The following ZRSR2 variants were observed in gnomAD, a reference collection of about 807,000 sequenced individuals.
ZRSR2 encodes the protein zinc finger CCCH-type, RNA binding motif and serine/arginine rich 2.
In ZRSR2, 3 loss-of-function variants were observed where a neutral mutation model predicts 39.4. The ratio of observed to expected loss-of-function variants is 0.08; its 90% CI spans 0.03 to 0.20. The LOEUF is 0.20. Among genes scored for constraint, ZRSR2 ranks in the 10% least tolerant of loss-of-function variants. The pLI is 1.00. For synonymous variants in ZRSR2, 137 were observed against 136.0 expected, an observed-to-expected ratio of 1.01 and a Z score of -0.05; for missense variants, 256 against 391.5, an observed-to-expected ratio of 0.65 and a Z score of 2.92.
In ZRSR2 at chrX:15,817,232, G is replaced by A. The variant is rs766134017; in HGVS notation, c.771+1342G>A. Among the ~76,000 whole-genome samples the A allele has an allele frequency of 2.9e-4, 32 of 111,792 alleles. 1 individual carries two copies. The highest frequency in any genetic ancestry group is 9.4e-4 in the African/African-American group (29 of 30,798). ...ACCCACAAACCACAACCACCACAAC[G>A]TATTTTTTCTTTTGTTTAGAGTTCT... On this transcript the variant is annotated intron_variant, in intron 8 of 10. Transcript: ENST00000307771.
intron 8 of ZRSR2, 32 bp downstream of exon 8, chrX:15,815,922 T>G: frequency 8.8e-7 from 1 of 1,132,799 alleles, no homozygotes; most frequent in Non-Finnish European, 1.2e-6. Context: ...GGGACTGGTT[T>G]GCTTCACCCT....
chrX:15,818,540 T>C (rs756250848), intron 8 of ZRSR2, 47 bp from the exon 9 acceptor site: 2 of 1,112,593 alleles, frequency 1.8e-6, no homozygotes, highest in Non-Finnish European at 2.5e-6. Flanking sequence ...GAATGGCTGG[T>C]TTCTTTTCCT....
At position 15,818,594 on chromosome X, in the gene ZRSR2, G is replaced by A; in HGVS notation, c.779G>A (p.Cys260Tyr). 2 of 1,207,463 alleles carry A rather than the reference G, an allele frequency of 1.7e-6. No homozygotes were observed. The highest frequency in any genetic ancestry group is 2.2e-6 in the Non-Finnish European group (2 of 892,843). Reference sequence around the variant, plus strand: ...TTCTTCATTGCTCCCTAGGTCAGCTGCAATTTGGAACCTCACCTGAGGGGC... The same window carrying A: ...TTCTTCATTGCTCCCTAGGTCAGCTACAATTTGGAACCTCACCTGAGGGGC... ...VGKVIQFKVSCNLEPHLRGNV... is the reference protein window; with the variant it reads ...VGKVIQFKVSYNLEPHLRGNV... The change falls in exon 9 of 11, where the codon TGC becomes TAC. Residue 260 changes from cysteine (C) to tyrosine (Y), a missense_variant. Transcript: ENST00000307771.
chrX:15,806,679 G>A (rs1342099075), intron 5 of ZRSR2, among the ~76,000 whole-genome samples: 1 of 106,988 alleles, frequency 9.3e-6, no homozygotes, highest in Non-Finnish European at 1.9e-5. Context: ...CACCCGCCTC[G>A]GCCTCCCAAA....
intron 1 of ZRSR2, 38 bp from the exon 2 acceptor site, chrX:15,790,896 T>C: frequency 8.6e-7 from 1 of 1,161,267 alleles, no homozygotes; most frequent in Non-Finnish European, 1.2e-6. Context: ...CGCTGCATTG[T>C]AGCCGCTGAT....
intron 8 of ZRSR2, among the ~76,000 whole-genome samples, chrX:15,817,527 C>T (rs1303896696): frequency 9.0e-6 from 1 of 111,603 alleles, no homozygotes; most frequent in Non-Finnish European, 1.9e-5. Flanking sequence ...AATATTTAAC[C>T]TAACTAGTAA....
chrX:15,818,633 A>G lies in ZRSR2; in HGVS notation c.818A>G (p.Gln273Arg). The change falls in exon 9 of 11, where the codon CAG becomes CGG. Residue 273 changes from glutamine (Q) to arginine (R), a missense_variant. Physicochemically the swap from Gln to Arg is conservative, Grantham distance 43. Coordinates refer to ENST00000307771, the MANE Select transcript of ZRSR2 (RefSeq NM_005089.4). ...CACCTGAGGGGCAATGTATATGTTCAGTACCAGTCGTAAGTATTCTGCTTG... is the reference window on the plus strand; with the variant it reads ...CACCTGAGGGGCAATGTATATGTTCGGTACCAGTCGTAAGTATTCTGCTTG... ...EPHLRGNVYV[Q>R]YQSEEECQAA... The G allele has an allele frequency of 8.3e-7, 1 of 1,203,610 alleles. No individual in the cohort carries two copies. The highest frequency in any genetic ancestry group is 1.1e-6 in the Non-Finnish European group (1 of 890,551).
At chrX:15,812,865 G>T (rs1034992662) in intron 7 of ZRSR2, among the ~76,000 whole-genome samples, 9 of 112,043 alleles carry the variant, frequency 8.0e-5, no homozygotes. Flanking sequence ...AGAATGAGTG[G>T]TATCTCTAGA....
At chrX:15,801,211 A>G (rs188455357) in intron 3 of ZRSR2, 6 of 134,360 alleles carry the variant, frequency 4.5e-5, no homozygotes, top group African/African-American at 9.6e-5. Context: ...TTTGGGATAC[A>G]TGTTTTTTTA....
In ZRSR2 at chrX:15,803,779, C is replaced by T. The variant is rs181618355; in HGVS notation, c.295C>T (p.Arg99Trp). Residue 99 changes from arginine to tryptophan, a missense_variant, in exon 4 of 11, where the codon CGG becomes TGG. Physicochemically the swap from Arg to Trp is moderately radical, Grantham distance 101. Around this residue, in one of 3 missense-constraint regions of ZRSR2, gnomAD observed 87 missense variants for 111.7 expected, o/e 0.78. Coordinates refer to ENST00000307771, the MANE Select transcript of ZRSR2 (RefSeq NM_005089.4). ...GGAAAAGGAAGAGGCGGCTAAAAAACGGCAAGAAGAACAAGAGGTATGGTA... is the reference window on the plus strand; with the variant it reads ...GGAAAAGGAAGAGGCGGCTAAAAAATGGCAAGAAGAACAAGAGGTATGGTA... ...KKEKEEAAKK[R>W]QEEQERKLKE... The T allele has an allele frequency of 6.8e-5, 81 of 1,190,174 alleles. No individual in the cohort carries two copies. Among genetic ancestry groups the T allele is most frequent in the East Asian group, 3.3e-4 (11 of 32,941 alleles).
rs771772771 is a variant in ZRSR2, at chrX:15,822,971, G to C, written c.1178G>C (p.Gly393Ala). ...PSPDHSYKRN[G>A]ESERKSSRHR... ...CCAGACCACTCCTACAAAAGAAATG[G>C]GGAATCCGAGAGGAAAAGTAGTCGT... The change falls in exon 11 of 11, where the codon GGG becomes GCG. Residue 393 changes from glycine (G) to alanine (A), a missense_variant. Around this residue, in one of 3 missense-constraint regions of ZRSR2, gnomAD observed 111 missense variants for 116.7 expected, o/e 0.95. Coordinates refer to ENST00000307771, the MANE Select transcript of ZRSR2 (RefSeq NM_005089.4). 3 of 1,211,085 alleles carry C rather than the reference G, an allele frequency of 2.5e-6. No homozygotes were observed. The African/African-American group carries it at 5.2e-5, about 21-fold the overall frequency.
At chrX:15,793,285 AT>A (rs1000998836) in intron 2 of ZRSR2, among the ~76,000 whole-genome samples, 3 of 106,279 alleles carry the variant, frequency 2.8e-5, no homozygotes, top group African/African-American at 3.4e-5. Context: ...TATTGTTTTG[AT>A]TTTTTTTTTC....
chrX:15,811,170 G>T (rs1268885483), intron 7 of ZRSR2, among the ~76,000 whole-genome samples: 1 of 111,341 alleles, frequency 9.0e-6, no homozygotes, highest in Non-Finnish European at 1.9e-5. Context: ...GATACCTTTA[G>T]AACCATTTCT....
chrX:15,796,189 C>T (rs1051280982), intron 2 of ZRSR2, among the ~76,000 whole-genome samples: 15 of 111,304 alleles, frequency 1.3e-4, no homozygotes, highest in Non-Finnish European at 2.3e-4. Context: ...CCACCGCGCC[C>T]GGCCATCATG....
intron 8 of ZRSR2, among the ~76,000 whole-genome samples, 195 bp downstream of exon 8, chrX:15,816,085 A>G (rs773371448): frequency 1.4e-4 from 16 of 112,089 alleles, no homozygotes; most frequent in Non-Finnish European, 2.6e-4. Flanking sequence ...ATAAACATAT[A>G]TTAGCATGGT....
chrX:15,820,028 G>A (rs1225248663), intron 9 of ZRSR2, among the ~76,000 whole-genome samples, 179 bp from the exon 10 acceptor site: 1 of 112,099 alleles, frequency 8.9e-6, no homozygotes, highest in African/African-American at 3.2e-5. Context: ...TAGTAAAAAG[G>A]GTTCCTGAAT....
At chrX:15,815,337 C>T (rs1387878053) in intron 7 of ZRSR2, among the ~76,000 whole-genome samples, 1 of 112,551 alleles carries the variant, frequency 8.9e-6, no homozygotes, top group Non-Finnish European at 1.9e-5. Context: ...GCTCTTGTTG[C>T]CCAAGCTGGA....
chrX:15,810,129 T>C (rs2147285863), intron 7 of ZRSR2, among the ~76,000 whole-genome samples: 1 of 112,256 alleles, frequency 8.9e-6, no homozygotes, highest in East Asian at 2.8e-4. Context: ...TTTTCATTAT[T>C]GTGACTCTTG....
intron 6 of ZRSR2, among the ~76,000 whole-genome samples, chrX:15,808,882 A>T (rs1012022361): frequency 1.3e-4 from 14 of 110,676 alleles, no homozygotes; most frequent in African/African-American, 4.3e-4. Context: ...CGGCCTCCCA[A>T]AGTGCTGGGA....
Sources: gnomAD v4.1 joint callset for allele counts (sites outside exome capture counted in the v4.1 genomes callset) on GRCh38, gnomAD v4.1.1 for gene constraint, gnomAD v4.1.1 regional missense constraint, MANE v1.5 for transcripts, NCBI Gene and HGNC (gene_info 2026-07-23, HGNC 2026-07-21) for gene names.